The following COL5A2 variants were observed in gnomAD, a reference collection of about 807,000 sequenced individuals.
COL5A2 encodes collagen type V alpha 2 chain.
COL5A2 carries 23 observed loss-of-function variants against 208.2 expected under a neutral mutation model. The observed-to-expected ratio is 0.11, with a 90% CI of 0.08 to 0.16. COL5A2 has a LOEUF of 0.16. Ranked by LOEUF, COL5A2 falls within the 10% of genes least tolerant of loss-of-function variation. The pLI is 1.00. For missense variants in COL5A2, 1,590 were observed against 1,956.4 expected, an observed-to-expected ratio of 0.81 and a Z score of 3.53; for synonymous variants, 625 against 628.5, an observed-to-expected ratio of 0.99 and a Z score of 0.08.
At chr2:189,257,112 C>G in the COL5A2 span, among the ~76,000 whole-genome samples, 1 of 152,152 alleles carries the variant, frequency 6.6e-6, no homozygotes, top group African/African-American at 2.4e-5. Flanking sequence ...GAAGGAAAGT[C>G]TATATACATT....
At chr2:189,088,571 G>T in intron 8 of COL5A2, 124 bp downstream of exon 8, 1 of 781,168 alleles carries the variant, frequency 1.3e-6, no homozygotes, top group South Asian at 1.5e-5. Flanking sequence ...ATGAATGAAT[G>T]AATGAATGTA....
At chr2:189,064,932 T>C (rs1032344012) in intron 24 of COL5A2, 72 bp downstream of exon 24, 2 of 1,423,166 alleles carry the variant, frequency 1.4e-6, no homozygotes, top group Non-Finnish European at 9.9e-7. Flanking sequence ...CATAGCTAGA[T>C]CACCGTGCTG....
At chr2:189,283,484 A>G in the COL5A2 span, among the ~76,000 whole-genome samples, 1 of 152,112 alleles carries the variant, frequency 6.6e-6, no homozygotes, top group Admixed American at 6.6e-5. Flanking sequence ...TCTACAGGAC[A>G]TCTGACTAGT....
intron 1 of COL5A2, among the ~76,000 whole-genome samples, chr2:189,121,096 GT>G (rs1226692505): frequency 6.6e-6 from 1 of 152,122 alleles, no homozygotes; most frequent in African/African-American, 2.4e-5. Context: ...GCAAATCTTG[GT>G]TGTTGTGGGA....
At chr2:189,129,776 A>G (rs1377508497) in intron 1 of COL5A2, among the ~76,000 whole-genome samples, 2 of 152,076 alleles carry the variant, frequency 1.3e-5, no homozygotes, top group Non-Finnish European at 2.9e-5. Flanking sequence ...TACACATATT[A>G]TGCAGCTACA....
intron 47 of COL5A2, among the ~76,000 whole-genome samples, chr2:189,043,617 A>C (rs571750004): frequency 4.9e-4 from 75 of 152,154 alleles, no homozygotes; most frequent in Non-Finnish European, 7.1e-4. Context: ...TTATTATATA[A>C]AAATATTGCT....
the COL5A2 span, among the ~76,000 whole-genome samples, chr2:189,245,130 C>A: frequency 6.6e-6 from 1 of 152,164 alleles, no homozygotes; most frequent in Non-Finnish European, 1.5e-5. Context: ...AAGATGAGAT[C>A]TGGATGGGGA....
At chr2:189,381,710 G>A in the COL5A2 span, among the ~76,000 whole-genome samples, 1 of 152,000 alleles carries the variant, frequency 6.6e-6, no homozygotes, top group Non-Finnish European at 1.5e-5. Flanking sequence ...TGGAAAGATT[G>A]TGCAGTAATT....
the COL5A2 span, among the ~76,000 whole-genome samples, chr2:189,239,709 T>C: frequency 6.6e-6 from 1 of 151,682 alleles, no homozygotes; most frequent in African/African-American, 2.4e-5. Context: ...GCATGGCACA[T>C]GTATACATAT....
chr2:189,265,753 C>A, the COL5A2 span, among the ~76,000 whole-genome samples: 9 of 152,224 alleles, frequency 5.9e-5, no homozygotes, highest in East Asian at 1.7e-3. Flanking sequence ...ACCAGGAAAT[C>A]AAAATCACAA....
intron 16 of COL5A2, among the ~76,000 whole-genome samples, chr2:189,077,951 G>A (rs915790028): frequency 3.3e-5 from 5 of 152,126 alleles, no homozygotes; most frequent in South Asian, 2.1e-4. Context: ...AGAGAATTGC[G>A]AAAAGAATAA....
At chr2:189,230,018 C>T (rs1345124083), upstream of COL5A2, among the ~76,000 whole-genome samples, 1 of 151,638 alleles carries the variant, frequency 6.6e-6, no homozygotes, top group Non-Finnish European at 1.5e-5. Flanking sequence ...TAGACAACCC[C>T]AAAATAACAT....
chr2:189,160,045 G>A (rs1688328199), intron 1 of COL5A2, among the ~76,000 whole-genome samples: 1 of 152,090 alleles, frequency 6.6e-6, no homozygotes, highest in African/African-American at 2.4e-5. Context: ...AACATAGAGT[G>A]TTGTTCTTGG....
intron 1 of COL5A2, among the ~76,000 whole-genome samples, chr2:189,214,917 C>A (rs1689259780): frequency 6.6e-6 from 1 of 152,128 alleles, no homozygotes; most frequent in Admixed American, 6.5e-5. Context: ...TTGCCAGGAC[C>A]TGATCTAGAT....
chr2:189,283,601 AT>A, the COL5A2 span, among the ~76,000 whole-genome samples: 56 of 152,210 alleles, frequency 3.7e-4, no homozygotes, highest in Middle Eastern at 3.4e-3. Flanking sequence ...GGTATCTCAG[AT>A]GAGATCTTGA....
chr2:189,279,565 C>T, the COL5A2 span, among the ~76,000 whole-genome samples: 2 of 149,178 alleles, frequency 1.3e-5, no homozygotes, highest in Admixed American at 6.7e-5. Flanking sequence ...GCCACAAACA[C>T]TTTCAGACCA....
the COL5A2 span, among the ~76,000 whole-genome samples, chr2:189,300,691 G>A: frequency 6.6e-6 from 1 of 152,230 alleles, no homozygotes; most frequent in African/African-American, 2.4e-5. Context: ...AGTAGGCCTA[G>A]ATGGTCCCAA....
At chr2:189,349,995 C>T in the COL5A2 span, among the ~76,000 whole-genome samples, 2 of 152,072 alleles carry the variant, frequency 1.3e-5, no homozygotes, top group Non-Finnish European at 2.9e-5. Context: ...CATATCAAAG[C>T]ACCTTGTGTT....
chr2:189,204,257 T>G (rs528875345), intron 1 of COL5A2, among the ~76,000 whole-genome samples: 1 of 152,330 alleles, frequency 6.6e-6, no homozygotes, highest in East Asian at 1.9e-4. Context: ...TTATGCTATT[T>G]TATAGAGAAG....
Sources: gnomAD v4.1 joint callset for allele counts (sites outside exome capture counted in the v4.1 genomes callset) on GRCh38, gnomAD v4.1.1 for gene constraint, MANE v1.5 for transcripts, NCBI Gene and HGNC (gene_info 2026-07-23, HGNC 2026-07-21) for gene names.